The following RBFOX1 variants were observed in gnomAD, a reference collection of about 807,000 sequenced individuals.
The protein encoded by RBFOX1 is RNA binding fox-1 homolog 1, also known as RNA binding protein fox-1 homolog 1.
Under a neutral mutation model 57.7 loss-of-function variants are expected in RBFOX1, and 8 were observed. The observed-to-expected ratio is 0.14, with a 90% CI of 0.08 to 0.25. The LOEUF (loss-of-function observed/expected upper bound fraction) is 0.25. RBFOX1 is among the 10% of genes least tolerant of loss of function. The pLI is 1.00. For synonymous variants in RBFOX1, 326 were observed against 222.4 expected, an observed-to-expected ratio of 1.47 and a Z score of -4.15; for missense variants, 611 against 548.5, an observed-to-expected ratio of 1.11 and a Z score of -1.14.
intron 4 of RBFOX1, among the ~76,000 whole-genome samples, chr16:7,220,900 G>C (rs536987850): frequency 5.8e-4 from 88 of 152,168 alleles, no homozygotes; most frequent in Admixed American, 3.0e-3. Context: ...TTCTGGGACT[G>C]CTCTATGGAA....
At chr16:5,607,843 A>C (rs1366620541) in intron 3 of RBFOX1, among the ~76,000 whole-genome samples, 1 of 152,196 alleles carries the variant, frequency 6.6e-6, no homozygotes, top group African/African-American at 2.4e-5. Flanking sequence ...AGAATCACCT[A>C]TGCTACTGTA....
At chr16:6,771,557 G>A (rs2078298384) in intron 3 of RBFOX1, among the ~76,000 whole-genome samples, 1 of 152,132 alleles carries the variant, frequency 6.6e-6, no homozygotes, top group Non-Finnish European at 1.5e-5. Flanking sequence ...CTACCTTGGT[G>A]TCTTCTCAGA....
At chr16:6,375,027 C>T (rs954182168) in intron 2 of RBFOX1, among the ~76,000 whole-genome samples, 1 of 152,132 alleles carries the variant, frequency 6.6e-6, no homozygotes, top group African/African-American at 2.4e-5. Context: ...CTTATTTGCT[C>T]CTTTTTTACA....
At chr16:6,188,283 G>A (rs2097119321) in intron 1 of RBFOX1, among the ~76,000 whole-genome samples, 1 of 151,910 alleles carries the variant, frequency 6.6e-6, no homozygotes, top group African/African-American at 2.4e-5. Flanking sequence ...GGCAGACTGA[G>A]TGATTTATTT....
chr16:7,070,779 C>T (rs1318666406), intron 4 of RBFOX1, among the ~76,000 whole-genome samples: 1 of 152,154 alleles, frequency 6.6e-6, no homozygotes, highest in Non-Finnish European at 1.5e-5. Context: ...TGAGGTTTAG[C>T]CATCCCCCTT....
intron 4 of RBFOX1, among the ~76,000 whole-genome samples, chr16:7,410,412 T>A (rs2098411999): frequency 6.6e-6 from 1 of 152,250 alleles, no homozygotes; most frequent in Non-Finnish European, 1.5e-5. Context: ...CTGAGCGTGA[T>A]GGCTCACGCC....
intron 3 of RBFOX1, among the ~76,000 whole-genome samples, chr16:5,794,405 A>C (rs898603777): frequency 6.6e-6 from 1 of 151,930 alleles, no homozygotes; most frequent in African/African-American, 2.4e-5. Context: ...GGCCAAATTC[A>C]ATTATGTACC....
At chr16:7,626,073 G>A (rs2060022121) in intron 10 of RBFOX1, among the ~76,000 whole-genome samples, 1 of 152,258 alleles carries the variant, frequency 6.6e-6, no homozygotes, top group Admixed American at 6.5e-5. Flanking sequence ...AGAAGCCAGA[G>A]CTGAGTCCAG....
chr16:5,969,537 T>C (rs1409842841), intron 4 of RBFOX1, among the ~76,000 whole-genome samples: 2 of 149,388 alleles, frequency 1.3e-5, no homozygotes, highest in Non-Finnish European at 3.0e-5. Context: ...TTGGCCAGGC[T>C]GGTCTCGAAC....
intron 3 of RBFOX1, among the ~76,000 whole-genome samples, chr16:6,818,651 T>C (rs1454791034): frequency 6.6e-6 from 1 of 152,162 alleles, no homozygotes; most frequent in African/African-American, 2.4e-5. Context: ...CTATTATTCA[T>C]TTTTCCCCCC....
chr16:5,365,167 A>G (rs914811368), intron 1 of RBFOX1, among the ~76,000 whole-genome samples: 3 of 152,218 alleles, frequency 2.0e-5, no homozygotes, highest in Admixed American at 6.5e-5. Flanking sequence ...AACATCCCTA[A>G]GTACCGCTTC....
At chr16:5,390,154 A>G (rs2066364873) in intron 1 of RBFOX1, among the ~76,000 whole-genome samples, 1 of 152,196 alleles carries the variant, frequency 6.6e-6, no homozygotes, top group Non-Finnish European at 1.5e-5. Flanking sequence ...CAGGTTAGGA[A>G]AATTTGCTCT....
intron 3 of RBFOX1, among the ~76,000 whole-genome samples, chr16:5,673,816 C>T (rs954810304): frequency 2.6e-5 from 4 of 152,238 alleles, no homozygotes; most frequent in African/African-American, 7.2e-5. Flanking sequence ...CCTTGTGGCT[C>T]TTTCCGATGT....
intron 4 of RBFOX1, among the ~76,000 whole-genome samples, chr16:7,321,697 G>A (rs1200235935): frequency 6.6e-6 from 1 of 152,092 alleles, no homozygotes; most frequent in African/African-American, 2.4e-5. Flanking sequence ...AATAATAAAT[G>A]GCATATATAG....
intron 4 of RBFOX1, among the ~76,000 whole-genome samples, chr16:7,179,473 C>G (rs1424676942): frequency 6.6e-6 from 1 of 152,130 alleles, no homozygotes; most frequent in Non-Finnish European, 1.5e-5. Flanking sequence ...TACGGTTCAC[C>G]AAAATCTGTG....
chr16:7,173,829 C>T (rs758733607), intron 4 of RBFOX1, among the ~76,000 whole-genome samples: 2 of 152,156 alleles, frequency 1.3e-5, no homozygotes, highest in African/African-American at 4.8e-5. Flanking sequence ...CAACTGTTGT[C>T]CTATAATACT....
At chr16:7,107,818 G>C (rs971452674) in intron 4 of RBFOX1, among the ~76,000 whole-genome samples, 33 of 152,034 alleles carry the variant, frequency 2.2e-4, no homozygotes, top group African/African-American at 7.5e-4. Context: ...TGTCTGAAAA[G>C]GATCTTAAAC....
chr16:5,370,135 C>A (rs1248787719), intron 1 of RBFOX1, among the ~76,000 whole-genome samples: 1 of 152,130 alleles, frequency 6.6e-6, no homozygotes, highest in African/African-American at 2.4e-5. Context: ...TGTGCATGTT[C>A]AGTCTCTTTT....
At chr16:7,497,009 C>T (rs1373083295) in intron 4 of RBFOX1, among the ~76,000 whole-genome samples, 1 of 152,062 alleles carries the variant, frequency 6.6e-6, no homozygotes, top group Non-Finnish European at 1.5e-5. Context: ...CCATAAATGA[C>T]CACAGTCATT....
Sources: gnomAD v4.1 joint callset for allele counts (sites outside exome capture counted in the v4.1 genomes callset) on GRCh38, gnomAD v4.1.1 for gene constraint, MANE v1.5 for transcripts, NCBI Gene and HGNC (gene_info 2026-07-23, HGNC 2026-07-21) for gene names.